SFMBT2: variants seen among roughly 807,000 people sequenced by gnomAD.
SFMBT2 encodes Scm like with four mbt domains 2.
Under a neutral mutation model 110.1 loss-of-function variants are expected in SFMBT2, and 38 were observed. The observed-to-expected ratio is 0.35, with a 90% CI of 0.27 to 0.45. SFMBT2 has a LOEUF of 0.45. Among genes scored for constraint, SFMBT2 ranks in the 20% least tolerant of loss-of-function variants. The pLI, the probability that SFMBT2 is intolerant of heterozygous loss-of-function variation, is 1.00. For synonymous variants in SFMBT2, 425 were observed against 425.4 expected (o/e 1.00, Z 0.01); for missense variants, 1,011 against 1,094.9 (o/e 0.92, Z 1.08).
chr10:7,322,390 A>C (rs904802633), intron 4 of SFMBT2, among the ~76,000 whole-genome samples: 1 of 152,204 alleles, frequency 6.6e-6, no homozygotes, highest in Non-Finnish European at 1.5e-5. Context: ...TAACAGTATG[A>C]AAGTGGACTG....
chr10:7,210,960 G>A (rs1328068611), intron 11 of SFMBT2, among the ~76,000 whole-genome samples: 1 of 152,134 alleles, frequency 6.6e-6, no homozygotes, highest in Non-Finnish European at 1.5e-5. Context: ...GACCCACACA[G>A]TAGCAAACAC....
rs146995323 is a variant in SFMBT2 at position 7,274,180 on chromosome 10, C to T, written c.870+2712G>A. On this transcript the variant is annotated intron_variant, in intron 7 of 20. Coordinates refer to ENST00000397167, the MANE Select transcript of SFMBT2 (RefSeq NM_001387889.1). ...TCAGTAGAAGCAAGTGTGGTAACCC[C>T]TCGTCTTCTTAAGATTAGCTCACAG... Among the ~76,000 whole-genome samples, 350 of 152,278 alleles carry T rather than the reference C, an allele frequency of 2.3e-3. 3 individuals carry two copies. Among genetic ancestry groups the T allele is most frequent in the African/African-American group, 7.6e-3 (317 of 41,536 alleles).
intron 4 of SFMBT2, among the ~76,000 whole-genome samples, chr10:7,339,177 T>C (rs750365604): frequency 2.0e-4 from 30 of 151,888 alleles, no homozygotes; most frequent in Non-Finnish European, 4.0e-4. Context: ...GAGGCGGAGG[T>C]TGCAGTGAGC....
chr10:7,222,810 T>C lies in SFMBT2; in HGVS notation c.1204-2273A>G, dbSNP rs1054089054. Among the ~76,000 whole-genome samples, 7 of 152,068 alleles carry C rather than the reference T, an allele frequency of 4.6e-5. No individual in the cohort carries two copies. The Middle Eastern group carries it at 0.014, about 296-fold the overall frequency. On this transcript the variant is annotated intron_variant, in intron 10 of 20. Transcript: ENST00000397167. ...TCAGCATCCTGAGTAGCTGGGACTA[T>C]AGGAATGCCCCACCATGCCCAGCTA...
At chr10:7,304,228 C>T (rs535562572) in intron 4 of SFMBT2, among the ~76,000 whole-genome samples, 2 of 152,162 alleles carry the variant, frequency 1.3e-5, no homozygotes, top group Non-Finnish European at 2.9e-5. Flanking sequence ...CTTTCCCATG[C>T]TGTTCTTGTG....
At chr10:7,292,936 G>A (rs537036401) in intron 4 of SFMBT2, among the ~76,000 whole-genome samples, 3 of 152,144 alleles carry the variant, frequency 2.0e-5, no homozygotes, top group African/African-American at 7.2e-5. Context: ...GCAGTGAGCC[G>A]AGATCGTGCC....
chr10:7,248,449 G>C, intron 8 of SFMBT2, 99 bp downstream of exon 8: 1 of 988,762 alleles, frequency 1.0e-6, no homozygotes, highest in Admixed American at 2.0e-5. Flanking sequence ...ATTGCTGATA[G>C]CCTTGCACGA....
intron 11 of SFMBT2, chr10:7,207,622 G>T: frequency 1.0e-6 from 1 of 984,360 alleles, no homozygotes; most frequent in Non-Finnish European, 1.2e-6. Context: ...AACATCTGAA[G>T]AATTCTGAAT....
intron 17 of SFMBT2, among the ~76,000 whole-genome samples, chr10:7,174,566 T>C (rs923463526): frequency 2.0e-5 from 3 of 152,242 alleles, no homozygotes; most frequent in African/African-American, 7.2e-5. Context: ...AGTTTTATTA[T>C]ATGAGATCCG....
chr10:7,225,679 C>G (rs1588357954), intron 10 of SFMBT2, among the ~76,000 whole-genome samples: 1 of 152,162 alleles, frequency 6.6e-6, no homozygotes, highest in African/African-American at 2.4e-5. Context: ...CGAATGGGAA[C>G]AGAGGACTGA....
In SFMBT2 at chr10:7,199,054, C is replaced by T. The variant is rs897776715; in HGVS notation, c.1558+1360G>A. The stretch of plus-strand genomic sequence containing the variant: ...AATGCAGTGGTGCAATCTCAGCTCA[C>T]TGCAACCTCCACCACCTGGGTTCAA... On this transcript the variant is annotated intron_variant, in intron 14 of 20. Coordinates refer to ENST00000397167, the MANE Select transcript of SFMBT2 (RefSeq NM_001387889.1). Among the ~76,000 whole-genome samples, 13 of 152,302 alleles carry T rather than the reference C, an allele frequency of 8.5e-5. No individual in the cohort carries two copies. In the East Asian group the frequency reaches 2.3e-3, roughly 27 times the overall value.
chr10:7,402,781 T>C (rs1028064994), intron 1 of SFMBT2, among the ~76,000 whole-genome samples: 9 of 152,136 alleles, frequency 5.9e-5, no homozygotes, highest in Non-Finnish European at 1.2e-4. Context: ...GTGGTGTCAG[T>C]CTTCAGTTTT....
At chr10:7,375,931 A>T (rs2132068131) in intron 2 of SFMBT2, among the ~76,000 whole-genome samples, 1 of 152,264 alleles carries the variant, frequency 6.6e-6, no homozygotes, top group East Asian at 1.9e-4. Context: ...AAAAATGTTG[A>T]TTCCTTTCCT....
chr10:7,221,239 T>C (rs1839724815), intron 10 of SFMBT2, among the ~76,000 whole-genome samples: 1 of 152,148 alleles, frequency 6.6e-6, no homozygotes, highest in African/African-American at 2.4e-5. Context: ...TCATTTTCCT[T>C]TACAGGAAAT....
intron 7 of SFMBT2, among the ~76,000 whole-genome samples, chr10:7,258,009 G>A (rs1379100120): frequency 1.3e-5 from 2 of 152,188 alleles, no homozygotes; most frequent in Non-Finnish European, 2.9e-5. Context: ...AAGGCTTGCT[G>A]CAACCTCCGC....
In SFMBT2 at chr10:7,186,459, C is replaced by CACAT. The variant is rs748644225; in HGVS notation, c.1808+2164_1808+2165insATGT. On this transcript the variant is annotated intron_variant, in intron 16 of 20. Coordinates refer to ENST00000397167, the MANE Select transcript of SFMBT2 (RefSeq NM_001387889.1). ...ACACACACACACACACACACACACA[C>CACAT]ATATATATATATATAAAAATATTTT... Among the ~76,000 whole-genome samples, 706 of 126,826 alleles carry CACAT rather than the reference C, an allele frequency of 5.6e-3. 3 individuals are homozygous for CACAT. Among genetic ancestry groups the CACAT allele is most frequent in the Middle Eastern group, 7.5e-3 (2 of 266 alleles). 83.2% of individuals were successfully genotyped at this position (126,826 alleles called of 152,430 possible). A position where few individuals can be genotyped will look rare whatever the true frequency, so the allele number is the denominator to read the frequency against.
At chr10:7,217,728 A>G (rs1588349652) in intron 11 of SFMBT2, among the ~76,000 whole-genome samples, 1 of 152,194 alleles carries the variant, frequency 6.6e-6, no homozygotes, top group African/African-American at 2.4e-5. Flanking sequence ...GTGCGGCCAT[A>G]ATGCTAGAGA....
In SFMBT2 at chr10:7,370,389, A is replaced by G. The variant is rs1272439986; in HGVS notation, c.101-14T>C. On this transcript the variant is annotated splice_polypyrimidine_tract_variant and intron_variant, in intron 2 of 20. Coordinates refer to ENST00000397167, the MANE Select transcript of SFMBT2 (RefSeq NM_001387889.1). Reference sequence around the variant, plus strand: ...TTGAGCCTTCTTCTGTTGAAAAACAAAAGAACAGAATATCAATACTGGAGT... The same window carrying G: ...TTGAGCCTTCTTCTGTTGAAAAACAGAAGAACAGAATATCAATACTGGAGT... 1 of 1,606,576 alleles carries G rather than the reference A, an allele frequency of 6.2e-7. No homozygotes were observed. Among genetic ancestry groups the G allele is most frequent in the Admixed American group, 1.7e-5 (1 of 60,020 alleles).
In SFMBT2 at chr10:7,171,179, G is replaced by T; in HGVS notation, c.2416-123C>A. Reference sequence around the variant, plus strand: ...CACTGCCTCCCTTTGCTCCCTCACTGGGCACCTGAAAAAGCTGCACACACT... The same window carrying T: ...CACTGCCTCCCTTTGCTCCCTCACTTGGCACCTGAAAAAGCTGCACACACT... On this transcript the variant is annotated intron_variant, in intron 19 of 20. Transcript: ENST00000397167. This position sits in a 1 kb window ranked among gnomAD's most constrained non-coding sequence, Gnocchi z 4.9. 1 of 1,516,494 alleles carries T rather than the reference G, an allele frequency of 6.6e-7. No individual in the cohort carries two copies. The highest frequency in any genetic ancestry group is 9.0e-7 in the Non-Finnish European group (1 of 1,116,062). The allele number at this position is 1,516,494 out of a possible 1,614,324, so 93.9% of individuals were successfully genotyped here. A position where few individuals can be genotyped will look rare whatever the true frequency, so the allele number is the denominator to read the frequency against.
Sources: allele counts gnomAD v4.1 joint callset (sites outside exome capture counted in the v4.1 genomes callset), GRCh38; gene constraint gnomAD v4.1.1; non-coding constraint Gnocchi (gnomAD v3.1); transcripts MANE v1.5; gene names NCBI Gene and HGNC (gene_info 2026-07-23, HGNC 2026-07-21).